Variants in DMD observed in about 807,000 individuals in gnomAD.
DMD encodes dystrophin, also known as mutant dystrophin.
Under a neutral mutation model 330.1 loss-of-function variants are expected in DMD, and 63 were observed. That is an observed-to-expected ratio of 0.19 (90% CI 0.16 to 0.24). The LOEUF (loss-of-function observed/expected upper bound fraction) is 0.24. Ranked by LOEUF, DMD falls within the 10% of genes least tolerant of loss-of-function variation. The probability of loss-of-function intolerance (pLI) is 1.00; values close to 1 mark genes in which losing one functional copy is unlikely to be tolerated. For synonymous variants in DMD, 1,223 were observed against 959.8 expected, an observed-to-expected ratio of 1.27 and a Z score of -5.07; for missense variants, 3,344 against 2,684.1, an observed-to-expected ratio of 1.25 and a Z score of -5.43.
intron 55 of DMD, among the ~76,000 whole-genome samples, chrX:31,518,895 C>T (rs2072496899): frequency 9.0e-6 from 1 of 111,343 alleles, no homozygotes; most frequent in Middle Eastern, 4.6e-3. Context: ...CCTCCAAGCT[C>T]CAGTGTCTTC....
Position 32,547,122 on chromosome X carries a change from G to A in DMD, c.1993-1788C>T, listed in dbSNP as rs751837765. On this transcript the variant is annotated intron_variant, in intron 16 of 78. Transcript: ENST00000357033. ...TCTTTGCATACAGTGGAGGCTAGAA[G>A]ATAATATTTTGCAGATTAAGAAAAT... 5.9e-3 allele frequency among the ~76,000 whole-genome samples: 654 copies of A among 111,123 alleles called. 1 individual carries two copies. Among genetic ancestry groups the A allele is most frequent in the Non-Finnish European group, 7.8e-3 (411 of 52,862 alleles).
chrX:31,458,433 T>C (rs774142174), intron 59 of DMD, among the ~76,000 whole-genome samples: 25 of 106,101 alleles, frequency 2.4e-4, no homozygotes, highest in Non-Finnish European at 4.0e-4. Flanking sequence ...GTTAAGTACA[T>C]GCAAATGATG....
chrX:31,179,014 T>C (rs2040858939), intron 69 of DMD, among the ~76,000 whole-genome samples: 1 of 111,918 alleles, frequency 8.9e-6, no homozygotes, highest in East Asian at 2.8e-4. Context: ...TCAGAGGCTC[T>C]GATCATCAGT....
chrX:32,181,012 G>C (rs1445620868), intron 44 of DMD, among the ~76,000 whole-genome samples: 1 of 111,795 alleles, frequency 8.9e-6, no homozygotes, highest in African/African-American at 3.3e-5. Flanking sequence ...CCCACAATGT[G>C]TGCAATATTT....
At chrX:32,447,296 A>T (rs73619090) in intron 27 of DMD, among the ~76,000 whole-genome samples, 4,875 of 110,198 alleles carry the variant, frequency 0.044, 265 homozygotes, top group African/African-American at 0.15. Flanking sequence ...CATAACACTG[A>T]TACATAAGAT....
At chrX:31,437,809 G>GAT (rs34012169) in intron 60 of DMD, among the ~76,000 whole-genome samples, 7,324 of 100,208 alleles carry the variant, frequency 0.073, 559 homozygotes, top group African/African-American at 0.22. Context: ...TTTGCATCCT[G>GAT]ATATATATAT....
At chrX:32,395,962 A>G (rs766735901) in intron 30 of DMD, among the ~76,000 whole-genome samples, 2 of 111,082 alleles carry the variant, frequency 1.8e-5, no homozygotes, top group Admixed American at 1.9e-4. Flanking sequence ...TTTTTCAAAG[A>G]CTGCCCCTGG....
chrX:32,787,726 G>A (rs2075511562), intron 7 of DMD, among the ~76,000 whole-genome samples: 1 of 93,540 alleles, frequency 1.1e-5, no homozygotes, highest in Admixed American at 1.3e-4. Context: ...TAATTGTACT[G>A]TACTCATCAA....
rs2073497910 is a variant in DMD at position 31,537,594 on chromosome X, C to G, written c.8218-30141G>C. On this transcript the variant is annotated intron_variant, in intron 55 of 78. Transcript: ENST00000357033. The stretch of plus-strand genomic sequence containing the variant: ...TTCAATAGTGTGCTGAAGCTATCTT[C>G]TTGCCTCCAGTTTGCTAAGCTTCCT... 2.7e-5 allele frequency among the ~76,000 whole-genome samples: 3 copies of G among 111,957 alleles called. No homozygotes were observed. The Admixed American group carries it at 2.8e-4, about 11-fold the overall frequency.
chrX:31,139,890 T>A (rs2035828281), intron 76 of DMD, among the ~76,000 whole-genome samples: 1 of 112,318 alleles, frequency 8.9e-6, no homozygotes, highest in Admixed American at 9.4e-5. Flanking sequence ...TTTTTTGGAT[T>A]ATTAGCTATT....
intron 44 of DMD, among the ~76,000 whole-genome samples, chrX:32,043,564 TAGAA>T (rs1197510825): frequency 8.9e-6 from 1 of 111,790 alleles, no homozygotes; most frequent in Non-Finnish European, 1.9e-5. Flanking sequence ...ATAATTAAAA[TAGAA>T]AGAAAAATAG....
At chrX:31,672,799 C>G (rs1194312049) in intron 53 of DMD, among the ~76,000 whole-genome samples, 3 of 111,853 alleles carry the variant, frequency 2.7e-5, no homozygotes, top group African/African-American at 9.8e-5. Flanking sequence ...GCTTCTAGAT[C>G]CCGCAAGAAC....
intron 60 of DMD, among the ~76,000 whole-genome samples, chrX:31,413,018 A>G (rs147426830): frequency 0.024 from 2,732 of 111,604 alleles, 73 homozygotes; most frequent in African/African-American, 0.084. Context: ...ATTCTTTCAA[A>G]TATTTGTCAT....
intron 44 of DMD, among the ~76,000 whole-genome samples, chrX:32,021,968 A>G (rs2147150280): frequency 8.9e-6 from 1 of 112,126 alleles, no homozygotes; most frequent in East Asian, 2.8e-4. Flanking sequence ...CTTAAGGATA[A>G]AAGGAGTAGT....
intron 66 of DMD, among the ~76,000 whole-genome samples, chrX:31,205,453 C>T (rs939934900): frequency 2.7e-5 from 3 of 111,741 alleles, no homozygotes; most frequent in Admixed American, 1.9e-4. Context: ...AGTAGTTATT[C>T]GAAACACCAA....
At chrX:31,761,555 T>G (rs746725176) in intron 51 of DMD, among the ~76,000 whole-genome samples, 1 of 112,204 alleles carries the variant, frequency 8.9e-6, no homozygotes, top group South Asian at 3.7e-4. Flanking sequence ...GTATACTTTC[T>G]CTTGAACTCA....
chrX:31,246,370 A>T (rs1194896211), intron 63 of DMD, among the ~76,000 whole-genome samples: 1 of 112,671 alleles, frequency 8.9e-6, no homozygotes, highest in East Asian at 2.8e-4. Context: ...ATTGATGCAG[A>T]AGCTGCAGCC....
At chrX:32,660,824 C>A in intron 9 of DMD, among the ~76,000 whole-genome samples, 1 of 111,523 alleles carries the variant, frequency 9.0e-6, no homozygotes, top group Non-Finnish European at 1.9e-5. Context: ...ATGAGATGTC[C>A]AGAACATTTC....
chrX:31,570,593 T>C lies in DMD; in HGVS notation c.8217+57080A>G, dbSNP rs1025465393. On this transcript the variant is annotated intron_variant, in intron 55 of 78. Transcript: ENST00000357033. ...AGAAAACACATTATTATCTGAGTGG[T>C]TGCTATATGGCTAATCTCATTTACC... Among the ~76,000 whole-genome samples the C allele has an allele frequency of 2.7e-5, 3 of 111,782 alleles. No individual in the cohort carries two copies. The Admixed American group carries it at 2.8e-4, about 11-fold the overall frequency.
Sources: gnomAD v4.1 joint callset for allele counts (sites outside exome capture counted in the v4.1 genomes callset) on GRCh38, gnomAD v4.1.1 for gene constraint, MANE v1.5 for transcripts, NCBI Gene and HGNC (gene_info 2026-07-23, HGNC 2026-07-21) for gene names.